ZFP1: variants seen among roughly 807,000 people sequenced by gnomAD.
ZFP1 encodes ZFP1 zinc finger protein.
ZFP1 carries 32 observed loss-of-function variants against 38.5 expected under a neutral mutation model. The observed-to-expected ratio is 0.83, with a 90% CI of 0.63 to 1.12. The LOEUF is 1.12. ZFP1 is among the 50% of genes most tolerant of loss of function. The pLI, the probability that ZFP1 is intolerant of heterozygous loss-of-function variation, is 0.00. For synonymous variants in ZFP1, 245 were observed against 168.8 expected, an observed-to-expected ratio of 1.45 and a Z score of -3.50; for missense variants, 616 against 480.8, an observed-to-expected ratio of 1.28 and a Z score of -2.63.
chr16:75,166,799 G>A lies in ZFP1; in HGVS notation c.45G>A (p.Val15=), dbSNP rs769320379. The A allele has an allele frequency of 1.9e-6, 3 of 1,614,124 alleles. No homozygotes were observed. In the Admixed American group the frequency reaches 5.0e-5, roughly 27 times the overall value. Residue 15 remains valine (V), a synonymous_variant, in exon 3 of 4, where the codon GTG becomes GTA. Transcript: ENST00000570010. ...CAGTTTCATTCACGGATGTGACTGT[G>A]GACTTTACCCAGGAGGAATGGGAAC... ...QGSVSFTDVT[V]DFTQEEWEQL... is the part of the protein sequence containing the mutation.
rs778290835 is a variant in ZFP1 at position 75,169,263 on chromosome 16, G to A, written c.153G>A (p.Lys51=). 6 of 1,607,408 alleles carry A rather than the reference G, an allele frequency of 3.7e-6. No individual in the cohort carries two copies. The highest frequency in any genetic ancestry group is 2.2e-5 in the East Asian group (1 of 44,844). Residue 51 remains lysine, a synonymous_variant, in exon 4 of 4, where the codon AAG becomes AAA. Coordinates refer to ENST00000570010, the MANE Select transcript of ZFP1 (RefSeq NM_153688.4). Reference sequence around the variant, plus strand: ...GCTCTCTATTCCTAGAAGTGTGGAAGGCTGATGACCAGATGGAGAGAGACC... The same window carrying A: ...GCTCTCTATTCCTAGAAGTGTGGAAAGCTGATGACCAGATGGAGAGAGACC... The part of the protein sequence containing the change: ...YSNLLSVEVW[K]ADDQMERDHR...
intron 2 of ZFP1, chr16:75,166,466 T>C: frequency 2.4e-6 from 2 of 839,500 alleles, no homozygotes; most frequent in Non-Finnish European, 2.9e-6. Context: ...CCTCAAGTGA[T>C]TCCCCCGCCC....
At chr16:75,132,943 G>A in the ZFP1 span, among the ~76,000 whole-genome samples, 3 of 150,584 alleles carry the variant, frequency 2.0e-5, no homozygotes, top group African/African-American at 7.3e-5. Flanking sequence ...ACAGGCATGA[G>A]CCACCACGCC....
chr16:75,134,966 G>T, the ZFP1 span, among the ~76,000 whole-genome samples: 1 of 151,474 alleles, frequency 6.6e-6, no homozygotes, highest in African/African-American at 2.4e-5. Flanking sequence ...AGGCAGGAGA[G>T]TCGCTTGAAC....
At chr16:75,143,537 T>C (rs8046074), upstream of ZFP1, among the ~76,000 whole-genome samples, 10,913 of 149,934 alleles carry the variant, frequency 0.073, 1,318 homozygotes, top group African/African-American at 0.25. Context: ...TGAGCCACTG[T>C]GCCCAGCCCT....
chr16:75,156,919 T>C (rs2037495915), intron 2 of ZFP1, among the ~76,000 whole-genome samples: 1 of 152,244 alleles, frequency 6.6e-6, no homozygotes, highest in Non-Finnish European at 1.5e-5. Context: ...CCAGGCATTC[T>C]GCCCTCAGGT....
the ZFP1 span, among the ~76,000 whole-genome samples, chr16:75,124,640 A>T: frequency 6.6e-6 from 1 of 150,534 alleles, no homozygotes; most frequent in African/African-American, 2.4e-5. Context: ...AAACAAAATT[A>T]GCTGGACGTG....
In ZFP1 at chr16:75,169,672, T is replaced by G; in HGVS notation, c.562T>G (p.Tyr188Asp). Residue 188 changes from tyrosine (Y) to aspartate (D), a missense_variant, in exon 4 of 4, where the codon TAC (tyrosine) becomes GAC (aspartate). By Grantham distance (160) the Tyr-to-Asp change is radical. Transcript: ENST00000570010. ...CTTGGTTCAACCTTTCATTTGTACTTACTGTGACAAGGCTTTCTCCTTTAA... is the reference window on the plus strand; with the variant it reads ...CTTGGTTCAACCTTTCATTTGTACTGACTGTGACAAGGCTTTCTCCTTTAA... ...KNLVQPFICT[Y>D]CDKAFSFKSL... 1.2e-6 allele frequency: 2 copies of G among 1,609,654 alleles called. No individual in the cohort carries two copies. Among genetic ancestry groups the G allele is most frequent in the East Asian group, 4.5e-5 (2 of 44,842 alleles).
chr16:75,155,455 T>G (rs969891065), intron 2 of ZFP1, among the ~76,000 whole-genome samples: 1 of 152,212 alleles, frequency 6.6e-6, no homozygotes, highest in African/African-American at 2.4e-5. Flanking sequence ...GTTTTTTAAA[T>G]CATTCAGTAA....
At chr16:75,137,938 A>T in the ZFP1 span, among the ~76,000 whole-genome samples, 3 of 151,408 alleles carry the variant, frequency 2.0e-5, no homozygotes, top group Non-Finnish European at 4.4e-5. Flanking sequence ...GTAAATGGGG[A>T]AAAGAGACAA....
At chr16:75,148,068 A>T (rs895761271), upstream of ZFP1, among the ~76,000 whole-genome samples, 3 of 152,206 alleles carry the variant, frequency 2.0e-5, no homozygotes, top group Admixed American at 2.0e-4. Flanking sequence ...GAAAAAAGGG[A>T]AAAAAGCTAG....
At position 75,169,251 on chromosome 16, in the gene ZFP1, A is replaced by G. The variant is rs1296046661; in HGVS notation, c.143-2A>G. 4 of 1,602,074 alleles carry G rather than the reference A, an allele frequency of 2.5e-6. No homozygotes were observed. The highest frequency in any genetic ancestry group is 3.4e-6 in the Non-Finnish European group (4 of 1,176,410). ...TCTTTTCATTGTGCTCTCTATTCCT[A>G]GAAGTGTGGAAGGCTGATGACCAGA... On this transcript the variant is annotated splice_acceptor_variant, in intron 3 of 3. Transcript: ENST00000570010. LOFTEE classifies it high-confidence loss of function.
At chr16:75,155,405 G>T (rs1029181728) in intron 2 of ZFP1, among the ~76,000 whole-genome samples, 1 of 152,154 alleles carries the variant, frequency 6.6e-6, no homozygotes, top group Non-Finnish European at 1.5e-5. Flanking sequence ...TAAAGTGCTG[G>T]CATTACAGGT....
the ZFP1 span, among the ~76,000 whole-genome samples, chr16:75,143,177 G>A: frequency 2.0e-4 from 31 of 152,282 alleles, no homozygotes; most frequent in African/African-American, 7.0e-4. Context: ...ATATAGAGGG[G>A]AAATGTATAT....
the ZFP1 span, among the ~76,000 whole-genome samples, chr16:75,119,372 C>T: frequency 6.6e-6 from 1 of 151,926 alleles, no homozygotes; most frequent in African/African-American, 2.4e-5. Flanking sequence ...TGGTCAAGAT[C>T]TAAAGTTCAT....
intron 2 of ZFP1, among the ~76,000 whole-genome samples, chr16:75,162,000 G>A: frequency 6.6e-6 from 1 of 150,722 alleles, no homozygotes. Context: ...GGCCAGGCTG[G>A]TCTCGAACTC....
the ZFP1 span, among the ~76,000 whole-genome samples, chr16:75,125,469 T>A: frequency 3.3e-5 from 5 of 151,952 alleles, no homozygotes; most frequent in Non-Finnish European, 7.4e-5. Flanking sequence ...ATTACAGGCA[T>A]GCACCACCAC....
chr16:75,120,811 A>G, the ZFP1 span, among the ~76,000 whole-genome samples: 2 of 147,610 alleles, frequency 1.4e-5, no homozygotes, highest in African/African-American at 4.9e-5. Flanking sequence ...TATTTTTAGT[A>G]GAGACGGGTT....
Position 75,170,306 on chromosome 16 carries a change from A to G in ZFP1, c.1196A>G (p.Gln399Arg). ...FSRKSRLSVH[Q>R]RVHIGEKP is the part of the protein sequence containing the mutation. Reference sequence around the variant, plus strand: ...AGGAAGTCCCGACTCAGTGTCCATCAGAGAGTTCACATCGGGGAGAAACCC... The same window carrying G: ...AGGAAGTCCCGACTCAGTGTCCATCGGAGAGTTCACATCGGGGAGAAACCC... The change falls in exon 4 of 4, where the codon CAG becomes CGG. Residue 399 changes from glutamine to arginine, a missense_variant. Transcript: ENST00000570010. 1 of 1,598,414 alleles carries G rather than the reference A, an allele frequency of 6.3e-7. No individual in the cohort carries two copies. The highest frequency in any genetic ancestry group is 1.7e-5 in the Admixed American group (1 of 58,244).
Sources: allele counts gnomAD v4.1 joint callset (sites outside exome capture counted in the v4.1 genomes callset), GRCh38; gene constraint gnomAD v4.1.1; transcripts MANE v1.5; gene names NCBI Gene and HGNC (gene_info 2026-07-23, HGNC 2026-07-21).